The following MACROD2 variants were observed in gnomAD, a reference collection of about 807,000 sequenced individuals.
MACROD2 encodes the protein ADP-ribose glycohydrolase MACROD2.
In MACROD2, 36 loss-of-function variants were observed where a neutral mutation model predicts 70.4. The observed-to-expected ratio is 0.51, with a 90% CI of 0.39 to 0.68. MACROD2 has a LOEUF of 0.68. Ranked by LOEUF, MACROD2 falls within the 30% of genes least tolerant of loss-of-function variation. The pLI is 0.00. For missense variants in MACROD2, 496 were observed against 538.4 expected, an observed-to-expected ratio of 0.92 and a Z score of 0.78; for synonymous variants, 172 against 178.8, an observed-to-expected ratio of 0.96 and a Z score of 0.30.
At chr20:14,718,292 CAAAAAAAAAAAAA>C (rs11358439) in intron 5 of MACROD2, among the ~76,000 whole-genome samples, 2 of 54,640 alleles carry the variant, frequency 3.7e-5, no homozygotes, top group African/African-American at 1.6e-4. Flanking sequence ...GACTCTGTCT[CAAAAAAAAAAAAA>C]AAAAAAAAAA....
chr20:15,280,217 A>G (rs1358191723), intron 6 of MACROD2, among the ~76,000 whole-genome samples: 1 of 152,248 alleles, frequency 6.6e-6, no homozygotes, highest in Non-Finnish European at 1.5e-5. Context: ...ATGGTTGGGT[A>G]AGAATATTTG....
intron 8 of MACROD2, among the ~76,000 whole-genome samples, chr20:15,525,582 C>T (rs1030229998): frequency 6.6e-6 from 1 of 152,198 alleles, no homozygotes; most frequent in East Asian, 1.9e-4. Flanking sequence ...GCAGAGCTAT[C>T]AACATGAATA....
chr20:15,626,282 A>G (rs2049201588), intron 8 of MACROD2, among the ~76,000 whole-genome samples: 1 of 152,230 alleles, frequency 6.6e-6, no homozygotes, highest in Non-Finnish European at 1.5e-5. Context: ...ACACTGGGAT[A>G]TGTTACTGAA....
chr20:15,166,934 GTATTT>G (rs2076389435), intron 5 of MACROD2, among the ~76,000 whole-genome samples: 1 of 147,998 alleles, frequency 6.8e-6, no homozygotes, highest in Admixed American at 6.8e-5. Flanking sequence ...TTAAATTTAA[GTATTT>G]AATTTAAGTA....
At position 15,167,828 on chromosome 20, in the gene MACROD2, C is replaced by G. The variant is rs1448703625; in HGVS notation, c.419-62112C>G. 2.0e-5 allele frequency among the ~76,000 whole-genome samples: 3 copies of G among 152,186 alleles called. No homozygotes were observed. The East Asian group carries it at 5.8e-4, about 29-fold the overall frequency. On this transcript the variant is annotated intron_variant, in intron 5 of 17. Coordinates refer to ENST00000684519, the MANE Select transcript of MACROD2 (RefSeq NM_001351661.2). ...AGAGATATTGAAGTAAATGAGTCTA[C>G]CAGGAACAGAATTTCACATTCAGAA...
chr20:15,969,534 A>G (rs78248184), intron 13 of MACROD2, among the ~76,000 whole-genome samples: 1,695 of 152,306 alleles, frequency 0.011, 27 homozygotes, highest in African/African-American at 0.038. Context: ...AAATGATGCT[A>G]TAACTGAAAT....
chr20:14,938,869 A>G (rs1361835376), intron 5 of MACROD2, among the ~76,000 whole-genome samples: 1 of 150,664 alleles, frequency 6.6e-6, no homozygotes, highest in South Asian at 2.1e-4. Flanking sequence ...ATTTGTAACA[A>G]ATCAAATGGC....
intron 5 of MACROD2, among the ~76,000 whole-genome samples, chr20:14,817,383 A>G (rs1160871221): frequency 1.3e-5 from 2 of 152,178 alleles, no homozygotes; most frequent in Non-Finnish European, 2.9e-5. Context: ...TGGCTCATAC[A>G]TGCGTCGTGT....
intron 4 of MACROD2, among the ~76,000 whole-genome samples, chr20:14,560,804 A>G (rs1671463812): frequency 6.6e-6 from 1 of 151,860 alleles, no homozygotes; most frequent in African/African-American, 2.4e-5. Context: ...AGAGTCATTT[A>G]TTTCCAAGGT....
intron 10 of MACROD2, among the ~76,000 whole-genome samples, chr20:15,898,245 G>A (rs1002642710): frequency 6.6e-6 from 1 of 152,078 alleles, no homozygotes; most frequent in Non-Finnish European, 1.5e-5. Context: ...TTCTCAAAGA[G>A]TGTTCTTGAA....
chr20:15,878,739 A>G (rs559815269), intron 9 of MACROD2, among the ~76,000 whole-genome samples: 1 of 152,248 alleles, frequency 6.6e-6, no homozygotes, highest in African/African-American at 2.4e-5. Flanking sequence ...AACAAAAATC[A>G]TTCACATTAA....
intron 3 of MACROD2, among the ~76,000 whole-genome samples, chr20:14,230,697 ATATG>A (rs2122203836): frequency 9.3e-6 from 1 of 107,820 alleles, no homozygotes; most frequent in African/African-American, 3.6e-5. Context: ...ATATATATAT[ATATG>A]GGCCCAGCCT....
intron 2 of MACROD2, among the ~76,000 whole-genome samples, chr20:14,007,341 A>C (rs1273513630): frequency 6.6e-6 from 1 of 151,908 alleles, no homozygotes; most frequent in Non-Finnish European, 1.5e-5. Flanking sequence ...TTTTTTTAAA[A>C]TTTTTGACTA....
At chr20:14,915,639 G>A (rs1485880428) in intron 5 of MACROD2, among the ~76,000 whole-genome samples, 1 of 152,288 alleles carries the variant, frequency 6.6e-6, no homozygotes, top group East Asian at 1.9e-4. Context: ...AGGCCGCCCA[G>A]TGCCAAGGGT....
chr20:16,028,733 C>T (rs565285996), intron 15 of MACROD2, among the ~76,000 whole-genome samples: 1 of 152,236 alleles, frequency 6.6e-6, no homozygotes, highest in South Asian at 2.1e-4. Context: ...CACTATTTGA[C>T]TTTGGAGAGG....
At chr20:15,040,345 A>T (rs186911724) in intron 5 of MACROD2, among the ~76,000 whole-genome samples, 2 of 150,172 alleles carry the variant, frequency 1.3e-5, no homozygotes, top group African/African-American at 4.9e-5. Flanking sequence ...ACCTTAATGC[A>T]GCCCCTCTCA....
At chr20:15,466,753 G>A (rs1467252864) in intron 7 of MACROD2, among the ~76,000 whole-genome samples, 3 of 152,180 alleles carry the variant, frequency 2.0e-5, no homozygotes, top group Non-Finnish European at 2.9e-5. Flanking sequence ...CTGATTATGT[G>A]ACAGTTGCTA....
chr20:15,434,822 A>G (rs2046408157), intron 7 of MACROD2, among the ~76,000 whole-genome samples: 1 of 152,166 alleles, frequency 6.6e-6, no homozygotes, highest in South Asian at 2.1e-4. Flanking sequence ...TATATACCCC[A>G]TGGAATACTA....
At chr20:15,741,896 A>G (rs1469245040) in intron 8 of MACROD2, among the ~76,000 whole-genome samples, 2 of 152,206 alleles carry the variant, frequency 1.3e-5, no homozygotes, top group African/African-American at 4.8e-5. Context: ...AAATGAATGA[A>G]TGAGTTAATA....
Sources: allele counts gnomAD v4.1 joint callset (sites outside exome capture counted in the v4.1 genomes callset), GRCh38; gene constraint gnomAD v4.1.1; transcripts MANE v1.5; gene names NCBI Gene and HGNC (gene_info 2026-07-23, HGNC 2026-07-21).